The following DDHD1 variants were observed in gnomAD, a reference collection of about 807,000 sequenced individuals.
DDHD1 encodes DDHD domain containing 1.
A neutral mutation model predicts 96.4 loss-of-function variants in DDHD1; 49 were observed. That is an observed-to-expected ratio of 0.51 (90% CI 0.40 to 0.64). The LOEUF is 0.64. DDHD1 is among the 30% of genes least tolerant of loss of function. The pLI, the probability that DDHD1 is intolerant of heterozygous loss-of-function variation, is 0.00. For synonymous variants in DDHD1, 442 were observed against 446.5 expected (o/e 0.99, Z 0.13); for missense variants, 1,106 against 1,161.2 (o/e 0.95, Z 0.69).
At position 53,045,963 on chromosome 14, in the gene DDHD1, T is replaced by G. The variant is rs1315705139; in HGVS notation, c.*805A>C. ...CTCCGTGTCAAGTTTAGAGAAACTT[T>G]AGCTTTCTCTGAAGTACATGTAACA... On this transcript the variant is annotated 3_prime_UTR_variant, in exon 13 of 13. Transcript: ENST00000673822. The G allele has an allele frequency of 6.6e-6, 1 of 152,232 alleles. No homozygotes were observed. Among genetic ancestry groups the G allele is most frequent in the Non-Finnish European group, 1.5e-5 (1 of 68,038 alleles). The allele number at this position is 152,232 out of a possible 1,614,324, so 9.4% of individuals were successfully genotyped here.
chr14:53,140,194 G>A (rs1327158397), intron 1 of DDHD1, among the ~76,000 whole-genome samples: 1 of 152,096 alleles, frequency 6.6e-6, no homozygotes, highest in East Asian at 1.9e-4. Context: ...CATGAGCTGG[G>A]GAACTATATC....
chr14:53,065,365 G>A (rs978367257), intron 6 of DDHD1, among the ~76,000 whole-genome samples: 3 of 152,092 alleles, frequency 2.0e-5, no homozygotes, highest in Non-Finnish European at 2.9e-5. Context: ...ATAATGTCAA[G>A]ATACAGCTAG....
At chr14:53,131,806 G>T (rs2139841633) in intron 1 of DDHD1, among the ~76,000 whole-genome samples, 1 of 152,048 alleles carries the variant, frequency 6.6e-6, no homozygotes, top group African/African-American at 2.4e-5. Flanking sequence ...ACACCCTCCT[G>T]CTCCTCCAAC....
intron 12 of DDHD1, 104 bp downstream of exon 12, chr14:53,051,740 C>G: frequency 1.2e-6 from 1 of 864,330 alleles, no homozygotes; most frequent in Non-Finnish European, 1.8e-6. Context: ...AACACTGAAG[C>G]TGGGATCTCA....
At position 53,050,503 on chromosome 14, in the gene DDHD1, G is replaced by C. The variant is rs537308478; in HGVS notation, c.2521+1341C>G. On this transcript the variant is annotated intron_variant, in intron 12 of 12. Transcript: ENST00000673822. Reference sequence around the variant, plus strand: ...AATCTTTCATTCCCTAGAACTGAGAGAGTCCTTTATTGTACCTATGTTTTG... The same window carrying C: ...AATCTTTCATTCCCTAGAACTGAGACAGTCCTTTATTGTACCTATGTTTTG... Among the ~76,000 whole-genome samples, 4 of 152,120 alleles carry C rather than the reference G, an allele frequency of 2.6e-5. No individual in the cohort carries two copies. The East Asian group carries it at 5.8e-4, about 22-fold the overall frequency.
chr14:53,077,669 GT>G lies in DDHD1; in HGVS notation c.1290-3823del, dbSNP rs869283263. ...CACAACTTCATTAGTTTTTGTTTTTGTTTTTTTTTTTTAAAAAACAATTGTG... is the reference window on the plus strand; with the variant it reads ...CACAACTTCATTAGTTTTTGTTTTTGTTTTTTTTTTTAAAAAACAATTGTG... On this transcript the variant is annotated intron_variant, in intron 4 of 12. Transcript: ENST00000673822. 1.9e-3 allele frequency among the ~76,000 whole-genome samples: 72 copies of G among 37,396 alleles called. No individual in the cohort carries two copies. The East Asian group carries it at 0.032, about 17-fold the overall frequency. 24.5% of individuals were successfully genotyped at this position (37,396 alleles called of 152,430 possible). A position where few individuals can be genotyped will look rare whatever the true frequency, so the allele number is the denominator to read the frequency against.
At chr14:53,115,752 G>T (rs548404347) in intron 1 of DDHD1, among the ~76,000 whole-genome samples, 2 of 152,100 alleles carry the variant, frequency 1.3e-5, no homozygotes, top group South Asian at 4.1e-4. Flanking sequence ...AGGAAAAACC[G>T]ATACCAGCCA....
At chr14:53,074,536 T>A (rs1884789381) in intron 4 of DDHD1, among the ~76,000 whole-genome samples, 1 of 151,942 alleles carries the variant, frequency 6.6e-6, no homozygotes, top group Admixed American at 6.6e-5. Flanking sequence ...AATTAATAAT[T>A]CTTTAATTTC....
intron 1 of DDHD1, among the ~76,000 whole-genome samples, chr14:53,148,519 G>T (rs1218456252): frequency 6.6e-6 from 1 of 151,300 alleles, no homozygotes; most frequent in African/African-American, 2.4e-5. Context: ...CACCATGTTG[G>T]CCAGGCTGGT....
At chr14:53,090,579 A>G (rs1886349184) in intron 4 of DDHD1, among the ~76,000 whole-genome samples, 1 of 152,232 alleles carries the variant, frequency 6.6e-6, no homozygotes, top group Admixed American at 6.5e-5. Flanking sequence ...TTGTATGGAC[A>G]TGGATGTCGC....
At chr14:53,113,366 A>T (rs1959349) in intron 1 of DDHD1, among the ~76,000 whole-genome samples, 9,814 of 133,426 alleles carry the variant, frequency 0.074, 931 homozygotes, top group African/African-American at 0.23. Context: ...TTTTCTTTTT[A>T]AAAAAAAAAA....
Position 53,152,703 on chromosome 14 carries a change from G to GC in DDHD1, c.395dup (p.Gly133ArgfsTer26), listed in dbSNP as rs748385953. ...CGGGGGACCCTCCTGTCGCGCCGCCGCCCCCCGAGTTCGTCGGGACCAGCG... is the reference window on the plus strand; with the variant it reads ...CGGGGGACCCTCCTGTCGCGCCGCCGCCCCCCCGAGTTCGTCGGGACCAGCG... On this transcript the variant is annotated frameshift_variant, in exon 1 of 13. Transcript: ENST00000673822. LOFTEE classifies it high-confidence loss of function. 4 of 1,610,666 alleles carry GC rather than the reference G, an allele frequency of 2.5e-6. No individual in the cohort carries two copies. Among genetic ancestry groups the GC allele is most frequent in the East Asian group, 2.2e-5 (1 of 44,788 alleles).
At chr14:53,126,319 C>G (rs1889434219) in intron 1 of DDHD1, among the ~76,000 whole-genome samples, 1 of 152,066 alleles carries the variant, frequency 6.6e-6, no homozygotes, top group Non-Finnish European at 1.5e-5. Flanking sequence ...AATATGAATT[C>G]AAACATTTTC....
chr14:53,142,462 A>G (rs920289813), intron 1 of DDHD1, among the ~76,000 whole-genome samples: 11 of 147,964 alleles, frequency 7.4e-5, no homozygotes, highest in Non-Finnish European at 1.0e-4. Context: ...CGGCATGGCA[A>G]AAAAAAAAAA....
At chr14:53,136,677 A>G (rs1112447) in intron 1 of DDHD1, among the ~76,000 whole-genome samples, 133,254 of 152,208 alleles carry the variant, frequency 0.88, 58,409 homozygotes, top group East Asian at 0.98. Context: ...AGAATATAAA[A>G]ACCTAATCCA....
At chr14:53,134,984 C>T (rs1313020977) in intron 1 of DDHD1, among the ~76,000 whole-genome samples, 3 of 152,188 alleles carry the variant, frequency 2.0e-5, no homozygotes, top group Admixed American at 6.5e-5. Flanking sequence ...TAGGTTCCCA[C>T]GCTGCCCCTA....
intron 4 of DDHD1, among the ~76,000 whole-genome samples, chr14:53,075,697 T>C (rs1210589452): frequency 1.3e-5 from 2 of 152,198 alleles, no homozygotes; most frequent in Non-Finnish European, 1.5e-5. Flanking sequence ...AGTCAATTCC[T>C]GGCTTCAAAG....
chr14:53,080,022 T>C (rs973491903), intron 4 of DDHD1, among the ~76,000 whole-genome samples: 3 of 152,192 alleles, frequency 2.0e-5, no homozygotes, highest in Non-Finnish European at 4.4e-5. Context: ...AAAAAAAGCA[T>C]GTTGTCAAAT....
intron 6 of DDHD1, among the ~76,000 whole-genome samples, 178 bp downstream of exon 6, chr14:53,072,419 T>C (rs1386470379): frequency 6.6e-6 from 1 of 152,100 alleles, no homozygotes; most frequent in Admixed American, 6.6e-5. Flanking sequence ...ATCTGTTTTA[T>C]TAAGGGTCAC....
Sources: allele counts gnomAD v4.1 joint callset (sites outside exome capture counted in the v4.1 genomes callset), GRCh38; gene constraint gnomAD v4.1.1; transcripts MANE v1.5; gene names NCBI Gene and HGNC (gene_info 2026-07-23, HGNC 2026-07-21).